RETREG1: variants seen among roughly 807,000 people sequenced by gnomAD.
RETREG1 encodes the protein family with sequence similarity 134 member B.
In RETREG1, 44 loss-of-function variants were observed where a neutral mutation model predicts 54.8. The observed-to-expected ratio is 0.80, with a 90% CI of 0.63 to 1.03. The LOEUF (loss-of-function observed/expected upper bound fraction) is 1.03, where lower values mean the gene tolerates loss of function less well. RETREG1 is among the 50% of genes least tolerant of loss of function. The probability of loss-of-function intolerance (pLI) is 0.00; values close to 1 mark genes in which losing one functional copy is unlikely to be tolerated. For synonymous variants in RETREG1, 217 were observed against 238.5 expected, an observed-to-expected ratio of 0.91 and a Z score of 0.83; for missense variants, 554 against 605.1, an observed-to-expected ratio of 0.92 and a Z score of 0.89.
At chr5:16,504,159 G>A (rs1171688162) in intron 3 of RETREG1, among the ~76,000 whole-genome samples, 1 of 152,118 alleles carries the variant, frequency 6.6e-6, no homozygotes, top group African/African-American at 2.4e-5. Flanking sequence ...GCAGCGTTTG[G>A]TTTTCTGTTC....
At chr5:16,614,518 T>A (rs1379695010) in intron 1 of RETREG1, among the ~76,000 whole-genome samples, 3 of 152,220 alleles carry the variant, frequency 2.0e-5, no homozygotes, top group Non-Finnish European at 4.4e-5. Flanking sequence ...TCATAAAATA[T>A]TCTTCGCAAG....
chr5:16,536,449 TAGTC>T (rs1452243773), intron 3 of RETREG1, among the ~76,000 whole-genome samples: 1 of 151,986 alleles, frequency 6.6e-6, no homozygotes, highest in Non-Finnish European at 1.5e-5. Context: ...ACAGGACCAT[TAGTC>T]AGCAAAAGCA....
chr5:16,534,582 G>A (rs892417398), intron 3 of RETREG1, among the ~76,000 whole-genome samples: 1 of 152,224 alleles, frequency 6.6e-6, no homozygotes, highest in African/African-American at 2.4e-5. Flanking sequence ...ATGTGATAAT[G>A]TGTGAATGAA....
chr5:16,526,155 T>C lies in RETREG1; in HGVS notation c.458+39608A>G, dbSNP rs150245443. On this transcript the variant is annotated intron_variant, in intron 3 of 8. Transcript: ENST00000306320. ...CCACCACACTAGAGAGCTCTCCCGATGCCCATGGAGGGCCATTGCTGTGGG... is the reference window on the plus strand; with the variant it reads ...CCACCACACTAGAGAGCTCTCCCGACGCCCATGGAGGGCCATTGCTGTGGG... Among the ~76,000 whole-genome samples the C allele has an allele frequency of 1.7e-3, 264 of 152,336 alleles. 7 individuals are homozygous for C. In the East Asian group the frequency reaches 0.046, roughly 27 times the overall value.
intron 3 of RETREG1, among the ~76,000 whole-genome samples, chr5:16,525,783 T>G (rs537948457): frequency 1.2e-4 from 14 of 119,742 alleles, no homozygotes; most frequent in African/African-American, 3.5e-4. Flanking sequence ...GAGAGAGAGA[T>G]TGATTTTAAG....
rs1738610002 is a variant in RETREG1, at chr5:16,477,939, G to A, written c.873+95C>T. 3 of 1,342,850 alleles carry A rather than the reference G, an allele frequency of 2.2e-6. No individual in the cohort carries two copies. In the African/African-American group the frequency reaches 4.4e-5, roughly 20 times the overall value. 83.2% of individuals were successfully genotyped at this position (1,342,850 alleles called of 1,614,324 possible). A position where few individuals can be genotyped will look rare whatever the true frequency, so the allele number is the denominator to read the frequency against. The stretch of plus-strand genomic sequence containing the variant: ...TCATTCAGTCATCTTACAGAAATAT[G>A]AGGAGTTTATTAGGAAGATCATTCA... On this transcript the variant is annotated intron_variant, in intron 7 of 8. Coordinates refer to ENST00000306320, the MANE Select transcript of RETREG1 (RefSeq NM_001034850.3).
intron 3 of RETREG1, among the ~76,000 whole-genome samples, chr5:16,484,005 G>A (rs1451943982): frequency 6.6e-6 from 1 of 151,836 alleles, no homozygotes; most frequent in Non-Finnish European, 1.5e-5. Context: ...GAGAAACCTT[G>A]GAATTAAGCA....
At chr5:16,533,146 G>C (rs551492696) in intron 3 of RETREG1, among the ~76,000 whole-genome samples, 1 of 151,928 alleles carries the variant, frequency 6.6e-6, no homozygotes, top group Admixed American at 6.6e-5. Context: ...CCGGGTTCAC[G>C]CCATTCTCCT....
intron 2 of RETREG1, among the ~76,000 whole-genome samples, chr5:16,567,904 G>A (rs897790051): frequency 2.0e-5 from 3 of 152,070 alleles, no homozygotes; most frequent in Non-Finnish European, 4.4e-5. Flanking sequence ...AGGCTGCAGT[G>A]AGCTATGATC....
chr5:16,473,201 C>T lies in RETREG1; in HGVS notation c.*1540G>A, dbSNP rs1044405. 6.6e-6 allele frequency: 1 copy of T among 152,602 alleles called. No homozygotes were observed. The highest frequency in any genetic ancestry group is 1.9e-4 in the East Asian group (1 of 5,180). The allele number at this position is 152,602 out of a possible 1,614,324, so 9.5% of individuals were successfully genotyped here. On this transcript the variant is annotated 3_prime_UTR_variant, in exon 9 of 9. Transcript: ENST00000306320. ...TAAAATGGGCAAGATAATGAAGGCA[C>T]AGGCTCACTTTGTATCAATAAAGGA... is the stretch of plus-strand genomic sequence containing the variant.
chr5:16,616,895 G>A lies in RETREG1; in HGVS notation c.77C>T (p.Ser26Leu), dbSNP rs1173457213. ...GGGGGATGCCTGGGGCGGTGGCGGC[G>A]ACGGCGGCGCCTGCTCCTCGGCGGC... Reference protein sequence around the residue: ...APAAEEQAPPSPPPPQASPAE... With the variant: ...APAAEEQAPPLPPPPQASPAE... The change falls in exon 1 of 9, where the codon TCG (serine) becomes TTG (leucine). Residue 26 changes from serine (S) to leucine (L), a missense_variant. Physicochemically the swap from Ser to Leu is moderately radical, Grantham distance 145. Around this residue, in one of 4 missense-constraint regions of RETREG1, gnomAD observed 175 missense variants for 142.1 expected, o/e 1.23. Transcript: ENST00000306320. 1 of 1,482,456 alleles carries A rather than the reference G, an allele frequency of 6.7e-7. No individual in the cohort carries two copies. The highest frequency in any genetic ancestry group is 8.9e-7 in the Non-Finnish European group (1 of 1,123,904). 91.8% of individuals were successfully genotyped at this position (1,482,456 alleles called of 1,614,324 possible).
intron 3 of RETREG1, among the ~76,000 whole-genome samples, chr5:16,491,272 G>A (rs79314008): frequency 0.015 from 2,348 of 152,284 alleles, 65 homozygotes; most frequent in African/African-American, 0.053. Flanking sequence ...CCTGGTTACC[G>A]ACCACGACCG....
chr5:16,554,864 C>A (rs1741662144), intron 3 of RETREG1, among the ~76,000 whole-genome samples: 1 of 152,186 alleles, frequency 6.6e-6, no homozygotes, highest in Non-Finnish European at 1.5e-5. Context: ...CTCACACAAG[C>A]CCGGGCCTTG....
intron 1 of RETREG1, among the ~76,000 whole-genome samples, chr5:16,577,440 C>A (rs1020480722): frequency 2.6e-5 from 4 of 152,118 alleles, no homozygotes; most frequent in South Asian, 2.1e-4. Flanking sequence ...TCCTCAGAGG[C>A]TACAAGGGGT....
At chr5:16,543,604 A>T (rs1741305865) in intron 3 of RETREG1, among the ~76,000 whole-genome samples, 1 of 150,240 alleles carries the variant, frequency 6.7e-6, no homozygotes, top group East Asian at 2.0e-4. Context: ...TGAACCCAGG[A>T]GGCGGAGGTT....
intron 3 of RETREG1, among the ~76,000 whole-genome samples, chr5:16,502,883 T>A (rs1047798492): frequency 3.9e-5 from 6 of 152,226 alleles, no homozygotes; most frequent in Non-Finnish European, 7.3e-5. Context: ...GACGCTCTAA[T>A]GGATTTAGAC....
At chr5:16,607,431 T>G (rs941334654) in intron 1 of RETREG1, among the ~76,000 whole-genome samples, 1 of 151,982 alleles carries the variant, frequency 6.6e-6, no homozygotes, top group Non-Finnish European at 1.5e-5. Context: ...CCGGCCAACA[T>G]GGTAAAACCC....
At chr5:16,530,826 C>T (rs1740893512) in intron 3 of RETREG1, among the ~76,000 whole-genome samples, 1 of 151,592 alleles carries the variant, frequency 6.6e-6, no homozygotes, top group Non-Finnish European at 1.5e-5. Context: ...TGGCCCACTG[C>T]ACTCCAGCCT....
chr5:16,522,409 C>T (rs1323039792), intron 3 of RETREG1, among the ~76,000 whole-genome samples: 1 of 152,142 alleles, frequency 6.6e-6, no homozygotes, highest in African/African-American at 2.4e-5. Context: ...CAGGCCACCT[C>T]AGGATTCCAA....
Sources: gnomAD v4.1 joint callset for allele counts (sites outside exome capture counted in the v4.1 genomes callset) on GRCh38, gnomAD v4.1.1 for gene constraint, gnomAD v4.1.1 regional missense constraint, MANE v1.5 for transcripts, NCBI Gene and HGNC (gene_info 2026-07-23, HGNC 2026-07-21) for gene names.